The following DSCAM variants were observed in gnomAD, a reference collection of about 807,000 sequenced individuals.
DSCAM encodes the protein cell adhesion molecule DSCAM.
DSCAM carries 47 observed loss-of-function variants against 217.7 expected under a neutral mutation model. The ratio of observed to expected loss-of-function variants is 0.22; its 90% CI spans 0.17 to 0.28. The LOEUF is 0.28. Ranked by LOEUF, DSCAM falls within the 10% of genes least tolerant of loss-of-function variation. The pLI, the probability that DSCAM is intolerant of heterozygous loss-of-function variation, is 1.00. For synonymous variants in DSCAM, 1,056 were observed against 1,015.3 expected, an observed-to-expected ratio of 1.04 and a Z score of -0.76; for missense variants, 2,080 against 2,618.3, an observed-to-expected ratio of 0.79 and a Z score of 4.49.
intron 11 of DSCAM, among the ~76,000 whole-genome samples, chr21:40,209,411 C>G (rs776008982): frequency 1.7e-4 from 25 of 151,438 alleles, no homozygotes; most frequent in Non-Finnish European, 2.9e-4. Context: ...CATTTCTGTT[C>G]TTCCTCTTCT....
intron 32 of DSCAM, among the ~76,000 whole-genome samples, chr21:40,015,169 T>C (rs1011318943): frequency 1.3e-5 from 2 of 152,214 alleles, no homozygotes; most frequent in Non-Finnish European, 2.9e-5. Context: ...TCCTGAGCCC[T>C]AGATGTGAAT....
At chr21:40,284,392 G>A (rs946458887) in intron 10 of DSCAM, among the ~76,000 whole-genome samples, 1 of 152,158 alleles carries the variant, frequency 6.6e-6, no homozygotes, top group Non-Finnish European at 1.5e-5. Context: ...GATGCTGTAT[G>A]TTGATCTTTA....
At chr21:40,692,267 G>T (rs776188852) in intron 3 of DSCAM, among the ~76,000 whole-genome samples, 1 of 152,160 alleles carries the variant, frequency 6.6e-6, no homozygotes, top group Non-Finnish European at 1.5e-5. Flanking sequence ...TTTAAATTTT[G>T]TCTTTTCTAC....
intron 11 of DSCAM, among the ~76,000 whole-genome samples, chr21:40,203,909 AG>A (rs764344502): frequency 2.0e-5 from 3 of 152,234 alleles, no homozygotes; most frequent in African/African-American, 2.4e-5. Context: ...ATAAAGGTTG[AG>A]CAATAAATAA....
In DSCAM at chr21:40,823,159, G is replaced by GC. The variant is rs548873302; in HGVS notation, c.43+23459dup. ...AGCGAGACACCAGCCCCCCAGCACC[G>GC]CCCCCCCAAAAAAGAAAGAATGCTT... On this transcript the variant is annotated intron_variant, in intron 1 of 32. Transcript: ENST00000400454. 3.4e-3 allele frequency among the ~76,000 whole-genome samples: 486 copies of GC among 144,088 alleles called. 4 individuals carry two copies. Among genetic ancestry groups the GC allele is most frequent in the African/African-American group, 0.012 (470 of 38,476 alleles). 94.5% of individuals were successfully genotyped at this position (144,088 alleles called of 152,430 possible).
intron 1 of DSCAM, among the ~76,000 whole-genome samples, chr21:40,731,629 G>A (rs1282948045): frequency 6.6e-6 from 1 of 151,850 alleles, no homozygotes; most frequent in Non-Finnish European, 1.5e-5. Context: ...CCCTTTGTGT[G>A]TGTGTCCTAA....
At chr21:40,628,429 TA>T (rs2089633512) in intron 3 of DSCAM, among the ~76,000 whole-genome samples, 1 of 152,184 alleles carries the variant, frequency 6.6e-6, no homozygotes, top group African/African-American at 2.4e-5. Context: ...GTCATCAGAA[TA>T]AACTAAGTTA....
At chr21:40,800,137 T>C (rs527350780) in intron 1 of DSCAM, among the ~76,000 whole-genome samples, 1 of 152,234 alleles carries the variant, frequency 6.6e-6, no homozygotes, top group African/African-American at 2.4e-5. Context: ...CTCAGGACTT[T>C]ACAGAGTCCC....
chr21:40,061,180 C>A (rs1023843801), intron 28 of DSCAM, among the ~76,000 whole-genome samples: 1 of 152,146 alleles, frequency 6.6e-6, no homozygotes, highest in Non-Finnish European at 1.5e-5. Context: ...TCCTCCCAAC[C>A]TACCTTCCAA....
chr21:40,354,015 A>T (rs2074663663), intron 4 of DSCAM, among the ~76,000 whole-genome samples: 1 of 152,246 alleles, frequency 6.6e-6, no homozygotes, highest in Admixed American at 6.5e-5. Flanking sequence ...AGGCTTCAAC[A>T]AGAGCTGTCA....
At chr21:40,140,354 A>T (rs1403661705) in intron 18 of DSCAM, among the ~76,000 whole-genome samples, 2 of 152,190 alleles carry the variant, frequency 1.3e-5, no homozygotes, top group African/African-American at 4.8e-5. Flanking sequence ...TTGTTTAAAG[A>T]ATTATGTTTT....
chr21:40,442,165 T>C (rs2075636168), intron 3 of DSCAM, among the ~76,000 whole-genome samples: 1 of 152,144 alleles, frequency 6.6e-6, no homozygotes, highest in Non-Finnish European at 1.5e-5. Flanking sequence ...TCATCATATA[T>C]TGTTGAATCA....
chr21:40,281,548 T>G (rs2073759746), intron 10 of DSCAM, among the ~76,000 whole-genome samples: 1 of 152,160 alleles, frequency 6.6e-6, no homozygotes, highest in Non-Finnish European at 1.5e-5. Flanking sequence ...TATTCAAATC[T>G]TAAAATATAT....
chr21:40,219,646 T>C (rs2091273507), intron 11 of DSCAM, among the ~76,000 whole-genome samples: 1 of 152,242 alleles, frequency 6.6e-6, no homozygotes. Context: ...TGATATATTT[T>C]GTCAAATTGC....
chr21:40,144,726 G>A lies in DSCAM; in HGVS notation c.3024C>T (p.Pro1008=). ...SQSIRVTWKA[P]KKHLQNGIIR... is the part of the protein sequence containing the mutation. Reference sequence around the variant, plus strand: ...TAATCCCATTTTGCAAATGTTTCTTGGGAGCCTAAACAGGAGAGAAAAGAA... The same window carrying A: ...TAATCCCATTTTGCAAATGTTTCTTAGGAGCCTAAACAGGAGAGAAAAGAA... The change falls in exon 17 of 33, where the codon CCC becomes CCT. Residue 1008 remains proline (P), a synonymous_variant. Transcript: ENST00000400454. This position sits in a 1 kb window ranked among gnomAD's most constrained non-coding sequence, Gnocchi z 4.8. The A allele has an allele frequency of 6.2e-7, 1 of 1,614,134 alleles. No individual in the cohort carries two copies. The highest frequency in any genetic ancestry group is 8.5e-7 in the Non-Finnish European group (1 of 1,180,028).
Position 40,157,503 on chromosome 21 carries a change from C to T in DSCAM, c.3018+9715G>A, listed in dbSNP as rs544752739. On this transcript the variant is annotated intron_variant, in intron 16 of 32. Transcript: ENST00000400454. ...CCAGTGTTGGTTAGAGTTCGTTACT[C>T]TCCTTTTATCCATGCTCCAATGGAT... 3.3e-5 allele frequency among the ~76,000 whole-genome samples: 5 copies of T among 152,282 alleles called. No homozygotes were observed. In the East Asian group the frequency reaches 5.8e-4, roughly 18 times the overall value.
At chr21:40,550,397 C>T (rs539794106) in intron 3 of DSCAM, among the ~76,000 whole-genome samples, 30 of 152,196 alleles carry the variant, frequency 2.0e-4, no homozygotes, top group South Asian at 8.3e-4. Flanking sequence ...TGGTGGCACG[C>T]GCCTGTAATC....
chr21:40,800,560 A>G (rs2091730536), intron 1 of DSCAM, among the ~76,000 whole-genome samples: 1 of 152,162 alleles, frequency 6.6e-6, no homozygotes. Context: ...AAAACAAGGT[A>G]TTGAAATTTT....
At chr21:40,846,033 G>T (rs1222791585) in intron 1 of DSCAM, among the ~76,000 whole-genome samples, 3 of 149,412 alleles carry the variant, frequency 2.0e-5, no homozygotes, top group Admixed American at 2.0e-4. Flanking sequence ...CATTTCAGAT[G>T]ATGTAATGCT....
Sources: gnomAD v4.1 joint callset for allele counts (sites outside exome capture counted in the v4.1 genomes callset) on GRCh38, gnomAD v4.1.1 for gene constraint, Gnocchi (gnomAD v3.1) non-coding constraint, MANE v1.5 for transcripts, NCBI Gene and HGNC (gene_info 2026-07-23, HGNC 2026-07-21) for gene names.